PARG: variants seen among roughly 807,000 people sequenced by gnomAD.
PARG encodes poly(ADP-ribose) glycohydrolase, also known as mitochondrial poly(ADP-ribose) glycohydrolase.
PARG carries 35 observed loss-of-function variants against 113.0 expected under a neutral mutation model. The observed-to-expected ratio is 0.31, with a 90% CI of 0.24 to 0.41. PARG has a LOEUF of 0.41. Among genes scored for constraint, PARG ranks in the 10% least tolerant of loss-of-function variants. PARG has a pLI of 1.00. For synonymous variants in PARG, 330 were observed against 409.9 expected, an observed-to-expected ratio of 0.81 and a Z score of 2.36; for missense variants, 797 against 1,169.4, an observed-to-expected ratio of 0.68 and a Z score of 4.64.
At chr10:49,822,040 A>C (rs1312566588) in intron 16 of PARG, among the ~76,000 whole-genome samples, 3 of 152,148 alleles carry the variant, frequency 2.0e-5, no homozygotes, top group Non-Finnish European at 4.4e-5. Context: ...CTCTGAAACT[A>C]TTTTGAATTG....
At chr10:49,866,843 A>T (rs1846537124) in intron 10 of PARG, among the ~76,000 whole-genome samples, 1 of 152,134 alleles carries the variant, frequency 6.6e-6, no homozygotes, top group African/African-American at 2.4e-5. Context: ...ATTTTCAAAA[A>T]CCTCATCTAT....
At chr10:49,832,747 G>T in intron 16 of PARG, 56 bp downstream of exon 16, 2 of 963,966 alleles carry the variant, frequency 2.1e-6, no homozygotes, top group South Asian at 1.5e-5. Context: ...CTGGTTTGAA[G>T]GACTAACTTT....
intron 1 of PARG, among the ~76,000 whole-genome samples, chr10:49,935,868 T>C (rs1838716234): frequency 6.6e-6 from 1 of 152,086 alleles, no homozygotes; most frequent in African/African-American, 2.4e-5. Context: ...GGATCTTGAA[T>C]GACCCACAAA....
chr10:49,917,901 C>T (rs1216742557), intron 6 of PARG, among the ~76,000 whole-genome samples: 1 of 149,998 alleles, frequency 6.7e-6, no homozygotes, highest in Admixed American at 6.6e-5. Context: ...AATTTCAAAA[C>T]TTCATAAAGT....
chr10:49,911,951 C>T (rs1588978384), intron 7 of PARG, among the ~76,000 whole-genome samples: 1 of 152,204 alleles, frequency 6.6e-6, no homozygotes, highest in African/African-American at 2.4e-5. Flanking sequence ...AAATTTAATT[C>T]TTTTCCTTAA....
chr10:49,920,466 A>ATGTG lies in PARG; in HGVS notation c.1662+1869_1662+1870insCACA, dbSNP rs1462412098. Among the ~76,000 whole-genome samples the ATGTG allele has an allele frequency of 4.2e-5, 3 of 70,676 alleles. No homozygotes were observed. In the East Asian group the frequency reaches 1.2e-3, roughly 28 times the overall value. 46.4% of individuals were successfully genotyped at this position (70,676 alleles called of 152,430 possible). ...AGCCTCAAATTAAAAAAAAAAAAAT[A>ATGTG]TATATATATATATATATATATATAT... is the stretch of plus-strand genomic sequence containing the variant. On this transcript the variant is annotated intron_variant, in intron 6 of 17. Transcript: ENST00000616448.
chr10:49,941,510 A>T lies in PARG; in HGVS notation c.216T>A (p.Leu72=). ...AAAGATTTTTATTTTCCCACGTACC[A>T]AGCGAGGTGGCGCTGCCTCTGTGCT... ...AGQHRGSATS[L]VFKQKTITSW... Residue 72 remains leucine, a splice_region_variant and synonymous_variant, in exon 1 of 18, where the codon CTT becomes CTA. Transcript: ENST00000616448. 3 of 1,549,572 alleles carry T rather than the reference A, an allele frequency of 1.9e-6. No homozygotes were observed. Among genetic ancestry groups the T allele is most frequent in the Non-Finnish European group, 2.6e-6 (3 of 1,145,152 alleles).
chr10:49,936,152 G>T (rs1204169180), intron 1 of PARG, among the ~76,000 whole-genome samples: 2 of 151,942 alleles, frequency 1.3e-5, no homozygotes, highest in Non-Finnish European at 2.9e-5. Context: ...TTCCAAAAGT[G>T]ATTCTGATGA....
chr10:49,839,293 C>T lies in PARG; in HGVS notation c.2541+2657G>A, dbSNP rs1005560923. On this transcript the variant is annotated intron_variant, in intron 15 of 17. Transcript: ENST00000616448. ...CGGAAGTTGCAGTGAACTGAGACCA[C>T]GCCATTGTACTCCAGCCAGGGCAAC... 7.9e-5 allele frequency among the ~76,000 whole-genome samples: 12 copies of T among 151,360 alleles called. No homozygotes were observed. In the South Asian group the frequency reaches 8.3e-4, roughly 11 times the overall value.
chr10:49,927,279 C>T (rs1838219809), intron 4 of PARG, among the ~76,000 whole-genome samples: 1 of 150,292 alleles, frequency 6.7e-6, no homozygotes, highest in South Asian at 2.1e-4. Flanking sequence ...TGCACTCCAG[C>T]CTGGCGACAG....
chr10:49,905,861 TA>T (rs1848559536), intron 7 of PARG, among the ~76,000 whole-genome samples: 2 of 152,190 alleles, frequency 1.3e-5, no homozygotes, highest in African/African-American at 4.8e-5. Context: ...GCCCAGGGGA[TA>T]ATCAGGTCCA....
chr10:49,866,145 A>C (rs1442762502), intron 10 of PARG, among the ~76,000 whole-genome samples: 5 of 152,240 alleles, frequency 3.3e-5, no homozygotes, highest in Non-Finnish European at 5.9e-5. Context: ...TTTATTTTTT[A>C]AAGCTAGTAG....
intron 7 of PARG, among the ~76,000 whole-genome samples, chr10:49,900,638 C>T (rs1285103470): frequency 9.2e-5 from 14 of 152,172 alleles, no homozygotes; most frequent in Admixed American, 1.3e-4. Flanking sequence ...AAAGACAAAA[C>T]GTAATAATAC....
At chr10:49,891,405 A>G (rs143195403) in intron 7 of PARG, among the ~76,000 whole-genome samples, 1,973 of 151,570 alleles carry the variant, frequency 0.013, 39 homozygotes, top group African/African-American at 0.044. Flanking sequence ...CATTTTCTCT[A>G]TTGGTCTAAA....
chr10:49,820,723 A>C (rs1247218858), intron 16 of PARG, among the ~76,000 whole-genome samples: 2 of 40,632 alleles, frequency 4.9e-5, no homozygotes, highest in Admixed American at 5.2e-4. Flanking sequence ...ACTCCATCTC[A>C]AAAAAAAAAA....
At chr10:49,844,397 T>C (rs782331271) in intron 13 of PARG, among the ~76,000 whole-genome samples, 18 of 151,916 alleles carry the variant, frequency 1.2e-4, no homozygotes, top group South Asian at 2.1e-4. Flanking sequence ...CCGAGGCTGG[T>C]GGATCACCTG....
intron 7 of PARG, among the ~76,000 whole-genome samples, chr10:49,887,815 C>T (rs1293189331): frequency 6.6e-6 from 1 of 152,164 alleles, no homozygotes; most frequent in Non-Finnish European, 1.5e-5. Flanking sequence ...GTAAACAGCA[C>T]AGTGTGTCAT....
intron 15 of PARG, among the ~76,000 whole-genome samples, chr10:49,835,089 C>G (rs1357010799): frequency 6.6e-6 from 1 of 152,104 alleles, no homozygotes; most frequent in Admixed American, 6.5e-5. Flanking sequence ...AGCCTTGAAT[C>G]AGGGGACCTT....
intron 2 of PARG, among the ~76,000 whole-genome samples, chr10:49,934,571 C>T (rs1434994730): frequency 2.0e-4 from 30 of 152,004 alleles, no homozygotes; most frequent in Admixed American, 1.8e-3. Flanking sequence ...ACAGACTGGC[C>T]GGGCGCAGTG....
Sources: gnomAD v4.1 joint callset for allele counts (sites outside exome capture counted in the v4.1 genomes callset) on GRCh38, gnomAD v4.1.1 for gene constraint, MANE v1.5 for transcripts, NCBI Gene and HGNC (gene_info 2026-07-23, HGNC 2026-07-21) for gene names.